The following VDR variants were observed in gnomAD, a reference collection of about 807,000 sequenced individuals.
VDR encodes the protein vitamin D3 receptor.
A neutral mutation model predicts 39.7 loss-of-function variants in VDR; 19 were observed. That is an observed-to-expected ratio of 0.48 (90% CI 0.33 to 0.70). VDR has a LOEUF of 0.70. VDR is among the 30% of genes least tolerant of loss of function. The pLI, the probability that VDR is intolerant of heterozygous loss-of-function variation, is 0.02. For missense variants in VDR, 442 were observed against 570.5 expected (o/e 0.77, Z 2.29); for synonymous variants, 242 against 215.8 (o/e 1.12, Z -1.07).
chr12:47,855,686 C>G lies in VDR; in HGVS notation c.699G>C (p.Leu233=). 1 of 1,614,144 alleles carries G rather than the reference C, an allele frequency of 6.2e-7. No individual in the cohort carries two copies. Among genetic ancestry groups the G allele is most frequent in the Non-Finnish European group, 8.5e-7 (1 of 1,180,030 alleles). The part of the protein sequence containing the change: ...QLSMLPHLAD[L]VSYSIQKVIG... ...TGACCTTTTGGATGCTGTAACTGAC[C>G]AGGTCAGCCAGGTGGGGCAGCATGG... Residue 233 remains leucine (L), a synonymous_variant, in exon 7 of 10, where the codon CTG becomes CTC. Coordinates refer to ENST00000549336, the MANE Select transcript of VDR (RefSeq NM_000376.3).
intron 4 of VDR, among the ~76,000 whole-genome samples, chr12:47,857,965 G>A (rs1005093650): frequency 1.3e-5 from 2 of 152,190 alleles, no homozygotes; most frequent in African/African-American, 4.8e-5. Flanking sequence ...AACAAGTTGT[G>A]GGACCTTGGG....
Position 47,842,882 on chromosome 12 carries a change from T to TC in VDR, c.*1863dup, listed in dbSNP as rs1358828360. 2.0e-5 allele frequency: 3 copies of TC among 152,128 alleles called. No homozygotes were observed. The highest frequency in any genetic ancestry group is 6.5e-5 in the Admixed American group (1 of 15,278). 9.4% of individuals were successfully genotyped at this position (152,128 alleles called of 1,614,324 possible). A position where few individuals can be genotyped will look rare whatever the true frequency, so the allele number is the denominator to read the frequency against. Reference sequence around the variant, plus strand: ...CGTTTAGCAACTTACAAGTGTTTTCTCCCACTGAAGAGCAAGCTGGACCAA... The same window carrying TC: ...CGTTTAGCAACTTACAAGTGTTTTCTCCCCACTGAAGAGCAAGCTGGACCAA... On this transcript the variant is annotated 3_prime_UTR_variant, in exon 10 of 10. Coordinates refer to ENST00000549336, the MANE Select transcript of VDR (RefSeq NM_000376.3).
chr12:47,881,037 A>G (rs1200137079), intron 2 of VDR, among the ~76,000 whole-genome samples: 1 of 151,152 alleles, frequency 6.6e-6, no homozygotes, highest in Non-Finnish European at 1.5e-5. Flanking sequence ...GCAAAGACAC[A>G]GAATCAACCC....
Position 47,888,389 on chromosome 12 carries a change from A to G in VDR, c.-83-5615T>C, listed in dbSNP as rs180738679. ...CTACATACTCTCATTCACCAAGGCT[A>G]CTCTGGGGAACTCCAGCAGCTTCTT... is the stretch of plus-strand genomic sequence containing the variant. On this transcript the variant is annotated intron_variant, in intron 1 of 9. Coordinates refer to ENST00000549336, the MANE Select transcript of VDR (RefSeq NM_000376.3). 3.3e-4 allele frequency among the ~76,000 whole-genome samples: 50 copies of G among 152,158 alleles called. No individual in the cohort carries two copies. The East Asian group carries it at 8.7e-3, about 26-fold the overall frequency.
intron 3 of VDR, among the ~76,000 whole-genome samples, chr12:47,870,768 C>T (rs2238137): frequency 0.077 from 11,749 of 152,220 alleles, 556 homozygotes; most frequent in South Asian, 0.2. Flanking sequence ...GAGATTCCAG[C>T]GTCTGCTCAG....
chr12:47,847,040 A>ACCAAGCAGC, intron 7 of VDR, among the ~76,000 whole-genome samples: 2 of 152,244 alleles, frequency 1.3e-5, no homozygotes, highest in South Asian at 4.1e-4. Flanking sequence ...AGTTACTAAG[A>ACCAAGCAGC]CAAGAAAAAC....
intron 4 of VDR, 59 bp downstream of exon 4, chr12:47,864,988 C>A: frequency 6.2e-7 from 1 of 1,607,608 alleles, no homozygotes; most frequent in South Asian, 1.1e-5. Flanking sequence ...GGAGAGTGGC[C>A]AAGGCCTTTC....
At chr12:47,868,957 C>T (rs1945791775) in intron 3 of VDR, among the ~76,000 whole-genome samples, 1 of 152,162 alleles carries the variant, frequency 6.6e-6, no homozygotes, top group Non-Finnish European at 1.5e-5. Context: ...GCCAAAGCCT[C>T]TCACCAGACT....
intron 9 of VDR, among the ~76,000 whole-genome samples, chr12:47,845,924 T>C (rs1945270831): frequency 6.6e-6 from 1 of 152,176 alleles, no homozygotes; most frequent in South Asian, 2.1e-4. Flanking sequence ...CCAAAATCAA[T>C]CAGGTAAACT....
At chr12:47,864,476 T>C (rs1294523091) in intron 4 of VDR, among the ~76,000 whole-genome samples, 2 of 152,158 alleles carry the variant, frequency 1.3e-5, no homozygotes, top group Non-Finnish European at 2.9e-5. Context: ...TTCCTCCTGG[T>C]CTCTCCCTGG....
chr12:47,885,552 T>C (rs1366777795), intron 1 of VDR, among the ~76,000 whole-genome samples: 2 of 152,204 alleles, frequency 1.3e-5, no homozygotes, highest in Admixed American at 6.5e-5. Flanking sequence ...TCAGTTTAAC[T>C]CCACATTGAC....
chr12:47,876,779 T>C (rs1379962072), intron 3 of VDR, among the ~76,000 whole-genome samples: 1 of 152,218 alleles, frequency 6.6e-6, no homozygotes, highest in African/African-American at 2.4e-5. Context: ...GTCCTGAGGA[T>C]TCCCAGCCTA....
rs1469321862 is a variant in VDR, at chr12:47,842,802, T to C, written c.*1944A>G. 1 of 152,108 alleles carries C rather than the reference T, an allele frequency of 6.6e-6. No homozygotes were observed. Among genetic ancestry groups the C allele is most frequent in the Non-Finnish European group, 1.5e-5 (1 of 68,018 alleles). The allele number at this position is 152,108 out of a possible 1,614,324, so 9.4% of individuals were successfully genotyped here. ...TGGCCCACTTCTAGCTAGTTATATA[T>C]GCTTGGGTGAGTCACGCCCTCCTCT... is the stretch of plus-strand genomic sequence containing the variant. On this transcript the variant is annotated 3_prime_UTR_variant, in exon 10 of 10. Transcript: ENST00000549336.
Position 47,844,797 on chromosome 12 carries a change from G to A in VDR, c.1233C>T (p.Ser411=), listed in dbSNP as rs1384929542. 1 of 1,614,172 alleles carries A rather than the reference G, an allele frequency of 6.2e-7. No individual in the cohort carries two copies. Among genetic ancestry groups the A allele is most frequent in the Admixed American group, 1.7e-5 (1 of 60,020 alleles). Residue 411 remains serine (S), a synonymous_variant, in exon 10 of 10, where the codon AGC becomes AGT. Coordinates refer to ENST00000549336, the MANE Select transcript of VDR (RefSeq NM_000376.3). ...CGAGCACAAGGGGCGTTAGCTTCATGCTGCACTCAGGCTGGAAGGAGAGGC... is the reference window on the plus strand; with the variant it reads ...CGAGCACAAGGGGCGTTAGCTTCATACTGCACTCAGGCTGGAAGGAGAGGC... ...YRCLSFQPEC[S]MKLTPLVLEV...
At chr12:47,855,156 C>A (rs1191525964) in intron 7 of VDR, among the ~76,000 whole-genome samples, 1 of 152,072 alleles carries the variant, frequency 6.6e-6, no homozygotes, top group Non-Finnish European at 1.5e-5. Flanking sequence ...GGTGAAACCC[C>A]GTCTCTACTA....
chr12:47,845,047 G>A, intron 9 of VDR, 42 bp from the exon 10 acceptor site: 1 of 1,603,776 alleles, frequency 6.2e-7, no homozygotes, highest in Non-Finnish European at 8.5e-7. Context: ...GGAGCTCTCA[G>A]CTGGGCCCCT....
chr12:47,869,075 C>A (rs1945795020), intron 3 of VDR, among the ~76,000 whole-genome samples: 1 of 152,246 alleles, frequency 6.6e-6, no homozygotes, highest in Admixed American at 6.5e-5. Flanking sequence ...GGGGGCAGCC[C>A]CCCCAGCTGC....
intron 3 of VDR, among the ~76,000 whole-genome samples, chr12:47,871,969 G>C (rs535324480): frequency 2.0e-5 from 3 of 152,240 alleles, no homozygotes; most frequent in Non-Finnish European, 4.4e-5. Context: ...AAGCGAACAC[G>C]ATGAGCTGGC....
At chr12:47,900,143 C>T (rs180887966) in intron 1 of VDR, among the ~76,000 whole-genome samples, 4 of 152,302 alleles carry the variant, frequency 2.6e-5, no homozygotes, top group African/African-American at 7.2e-5. Context: ...ACAATCCTAC[C>T]TCTGTTGGGT....
Sources: allele counts gnomAD v4.1 joint callset (sites outside exome capture counted in the v4.1 genomes callset), GRCh38; gene constraint gnomAD v4.1.1; transcripts MANE v1.5; gene names NCBI Gene and HGNC (gene_info 2026-07-23, HGNC 2026-07-21).